ASTN1: variants seen among roughly 807,000 people sequenced by gnomAD.
ASTN1 encodes astrotactin 1, also known as astrotactin-1.
A neutral mutation model predicts 140.7 loss-of-function variants in ASTN1; 41 were observed. The observed-to-expected ratio is 0.29, with a 90% CI of 0.23 to 0.38. The LOEUF (loss-of-function observed/expected upper bound fraction) is 0.38, where lower values mean the gene tolerates loss of function less well. Among genes scored for constraint, ASTN1 ranks in the 10% least tolerant of loss-of-function variants. The pLI is 1.00. For missense variants in ASTN1, 1,479 were observed against 1,678.8 expected, an observed-to-expected ratio of 0.88 and a Z score of 2.08; for synonymous variants, 640 against 652.2, an observed-to-expected ratio of 0.98 and a Z score of 0.29.
chr1:177,033,841 T>C (rs1273935878), intron 2 of ASTN1, among the ~76,000 whole-genome samples: 1 of 152,100 alleles, frequency 6.6e-6, no homozygotes, highest in African/African-American at 2.4e-5. Context: ...ACTGAACACA[T>C]GGCCTTGACA....
chr1:176,952,042 G>A (rs776848079), intron 11 of ASTN1, among the ~76,000 whole-genome samples: 1 of 152,158 alleles, frequency 6.6e-6, no homozygotes. Context: ...CTGAAAGCAT[G>A]TGTGTTTTCC....
rs1305974042 is a variant in ASTN1 at position 176,861,550 on chromosome 1, C to T, written c.*2734G>A. ...GTCAGCAGGTTGAGATCAATAGTGTCTTCCAAGGGGAAAAAATCCTCCAGT... is the reference window on the plus strand; with the variant it reads ...GTCAGCAGGTTGAGATCAATAGTGTTTTCCAAGGGGAAAAAATCCTCCAGT... On this transcript the variant is annotated 3_prime_UTR_variant, in exon 23 of 23. Coordinates refer to ENST00000361833, the MANE Select transcript of ASTN1 (RefSeq NM_004319.3). The T allele has an allele frequency of 2.0e-6, 2 of 985,728 alleles. No homozygotes were observed. The highest frequency in any genetic ancestry group is 2.4e-6 in the Non-Finnish European group (2 of 829,994). The allele number at this position is 985,728 out of a possible 1,614,324, so 61.1% of individuals were successfully genotyped here. A position where few individuals can be genotyped will look rare whatever the true frequency, so the allele number is the denominator to read the frequency against.
At chr1:177,095,494 G>A (rs1242046258) in intron 1 of ASTN1, among the ~76,000 whole-genome samples, 1 of 152,190 alleles carries the variant, frequency 6.6e-6, no homozygotes, top group African/African-American at 2.4e-5. Context: ...ACCCTGTAGT[G>A]CAGTATCCTC....
At chr1:176,931,832 T>C (rs771704115) in intron 16 of ASTN1, among the ~76,000 whole-genome samples, 6 of 152,214 alleles carry the variant, frequency 3.9e-5, no homozygotes, top group Non-Finnish European at 7.3e-5. Flanking sequence ...GCTCTTGGAA[T>C]TTAAAGTTGA....
intron 1 of ASTN1, among the ~76,000 whole-genome samples, chr1:177,126,826 C>G (rs1195694225): frequency 6.6e-6 from 1 of 152,086 alleles, no homozygotes; most frequent in Non-Finnish European, 1.5e-5. Flanking sequence ...ATGCCTCAAG[C>G]CCTGTTTTCT....
intron 1 of ASTN1, among the ~76,000 whole-genome samples, chr1:177,095,179 T>A (rs748044186): frequency 6.6e-6 from 1 of 152,184 alleles, no homozygotes; most frequent in African/African-American, 2.4e-5. Flanking sequence ...AAGTGAGAAC[T>A]GACTTAAAAA....
chr1:177,049,813 G>C (rs537671279), intron 2 of ASTN1, among the ~76,000 whole-genome samples: 1 of 152,178 alleles, frequency 6.6e-6, no homozygotes, highest in Non-Finnish European at 1.5e-5. Context: ...CCGAACCCAA[G>C]GTGGAGTCCA....
In ASTN1 at chr1:176,862,473, C is replaced by T; in HGVS notation, c.*1811G>A. The T allele has an allele frequency of 2.0e-6, 2 of 985,422 alleles. No homozygotes were observed. The highest frequency in any genetic ancestry group is 9.4e-5 in the South Asian group (2 of 21,282). 61.0% of individuals were successfully genotyped at this position (985,422 alleles called of 1,614,324 possible). A position where few individuals can be genotyped will look rare whatever the true frequency, so the allele number is the denominator to read the frequency against. On this transcript the variant is annotated 3_prime_UTR_variant, in exon 23 of 23. Transcript: ENST00000361833. The stretch of plus-strand genomic sequence containing the variant: ...CTGCACAGAGGACATGTCCATGCCA[C>T]AGATGCTTGGGAAAGGTAAAGCTCT...
intron 11 of ASTN1, among the ~76,000 whole-genome samples, chr1:176,956,882 G>T (rs1557989277): frequency 6.6e-6 from 1 of 152,138 alleles, no homozygotes; most frequent in Non-Finnish European, 1.5e-5. Context: ...AGCCCAAATT[G>T]TCTTACTAGT....
intron 7 of ASTN1, among the ~76,000 whole-genome samples, chr1:177,016,212 C>T (rs1006747585): frequency 1.3e-4 from 20 of 151,266 alleles, no homozygotes; most frequent in African/African-American, 4.1e-4. Context: ...GACCTACAAG[C>T]GGCTGTCCAT....
intron 12 of ASTN1, among the ~76,000 whole-genome samples, chr1:176,947,131 T>C (rs758305254): frequency 2.0e-5 from 3 of 152,198 alleles, no homozygotes; most frequent in Non-Finnish European, 4.4e-5. Flanking sequence ...AGTGACTTTG[T>C]CCTTTACATG....
intron 16 of ASTN1, among the ~76,000 whole-genome samples, chr1:176,929,868 C>G (rs1046398093): frequency 3.3e-5 from 5 of 152,086 alleles, no homozygotes; most frequent in Admixed American, 6.5e-5. Context: ...ATTAGCCAGG[C>G]GTGGTGGCAG....
chr1:177,148,993 G>C (rs556559925), intron 1 of ASTN1, among the ~76,000 whole-genome samples: 3 of 143,118 alleles, frequency 2.1e-5, no homozygotes, highest in African/African-American at 7.8e-5. Flanking sequence ...AAGAGGAAGA[G>C]AAAAGTAAAT....
At chr1:176,872,194 C>CTT (rs34749674) in intron 21 of ASTN1, among the ~76,000 whole-genome samples, 145 of 145,334 alleles carry the variant, frequency 1.0e-3, no homozygotes, top group Non-Finnish European at 1.6e-3. Flanking sequence ...AATGTCAAAC[C>CTT]TTTTTTTTTT....
At chr1:177,149,039 GTAAA>G (rs1365664048) in intron 1 of ASTN1, among the ~76,000 whole-genome samples, 1 of 137,572 alleles carries the variant, frequency 7.3e-6, no homozygotes, top group Non-Finnish European at 1.5e-5. Context: ...TATATATATA[GTAAA>G]TATATATATA....
intron 14 of ASTN1, among the ~76,000 whole-genome samples, chr1:176,936,645 A>G (rs986638726): frequency 4.6e-5 from 7 of 152,198 alleles, no homozygotes; most frequent in Non-Finnish European, 1.0e-4. Flanking sequence ...TATAAATGAG[A>G]AAATCGAGGC....
downstream of ASTN1, among the ~76,000 whole-genome samples, chr1:176,859,960 T>TG (rs1667916487): frequency 6.6e-6 from 1 of 152,122 alleles, no homozygotes; most frequent in African/African-American, 2.4e-5. Flanking sequence ...CCACCAGTCT[T>TG]GGGGTCTCAA....
intron 8 of ASTN1, among the ~76,000 whole-genome samples, chr1:176,995,942 G>A (rs1376556021): frequency 6.6e-6 from 1 of 152,084 alleles, no homozygotes; most frequent in Non-Finnish European, 1.5e-5. Context: ...GATGCTCCAT[G>A]CTGGACCCTG....
At chr1:176,968,947 G>C (rs1368210605) in intron 8 of ASTN1, among the ~76,000 whole-genome samples, 1 of 152,176 alleles carries the variant, frequency 6.6e-6, no homozygotes, top group Admixed American at 6.5e-5. Context: ...TGCATGGAAT[G>C]ACAGTGGAGG....
Sources: gnomAD v4.1 joint callset for allele counts (sites outside exome capture counted in the v4.1 genomes callset) on GRCh38, gnomAD v4.1.1 for gene constraint, MANE v1.5 for transcripts, NCBI Gene and HGNC (gene_info 2026-07-23, HGNC 2026-07-21) for gene names.